Variants in POFUT3 observed in about 807,000 individuals in gnomAD.
POFUT3 encodes the protein protein O-fucosyltransferase 3, also known as GDP-fucose protein O-fucosyltransferase 3.
the POFUT3 span, among the ~76,000 whole-genome samples, chr8:33,331,611 C>T: frequency 6.6e-6 from 1 of 152,050 alleles, no homozygotes; most frequent in South Asian, 2.1e-4. Flanking sequence ...TGCTTGAGCC[C>T]AGGAATTTGA....
chr8:33,422,545 CAA>C, the POFUT3 span, among the ~76,000 whole-genome samples: 18 of 37,136 alleles, frequency 4.8e-4, no homozygotes, highest in Admixed American at 2.3e-3. Flanking sequence ...AACTCTGTCT[CAA>C]AAAAAAAAAA....
At chr8:33,401,530 A>G in the POFUT3 span, among the ~76,000 whole-genome samples, 1 of 152,212 alleles carries the variant, frequency 6.6e-6, no homozygotes. Flanking sequence ...ATAATTAAGG[A>G]AAATCTTTTC....
the POFUT3 span, among the ~76,000 whole-genome samples, chr8:33,383,374 T>G: frequency 7.2e-5 from 11 of 152,144 alleles, no homozygotes; most frequent in South Asian, 2.1e-3. Flanking sequence ...TGGTGGTAAA[T>G]CCCCATTAAA....
the POFUT3 span, among the ~76,000 whole-genome samples, chr8:33,410,626 CGTGT>C: frequency 6.6e-6 from 1 of 152,096 alleles, no homozygotes; most frequent in Non-Finnish European, 1.5e-5. Context: ...TGGGTGTGTG[CGTGT>C]GTGTATGTCA....
the POFUT3 span, among the ~76,000 whole-genome samples, chr8:33,434,800 G>C: frequency 1.3e-5 from 2 of 152,164 alleles, no homozygotes; most frequent in African/African-American, 4.8e-5. Context: ...CTGCAGGGCA[G>C]CTCCTCGCTC....
At chr8:33,448,850 C>T in the POFUT3 span, among the ~76,000 whole-genome samples, 7 of 151,886 alleles carry the variant, frequency 4.6e-5, no homozygotes, top group African/African-American at 1.5e-4. Context: ...AGGAGAATCG[C>T]CTGAATCTGG....
At chr8:33,410,980 C>A in the POFUT3 span, among the ~76,000 whole-genome samples, 1 of 152,096 alleles carries the variant, frequency 6.6e-6, no homozygotes, top group African/African-American at 2.4e-5. Flanking sequence ...CCTATCATAC[C>A]ATCAAGTCCC....
chr8:33,356,337 T>C, the POFUT3 span, among the ~76,000 whole-genome samples: 1 of 152,194 alleles, frequency 6.6e-6, no homozygotes, highest in East Asian at 1.9e-4. Flanking sequence ...GCACCTGTTG[T>C]TTCCTAACTT....
At chr8:33,376,877 T>C in the POFUT3 span, among the ~76,000 whole-genome samples, 79 of 152,298 alleles carry the variant, frequency 5.2e-4, 1 homozygote, top group African/African-American at 1.8e-3. Context: ...TCACCTCTAT[T>C]GGCTGGTAGG....
At chr8:33,341,161 C>G in the POFUT3 span, among the ~76,000 whole-genome samples, 7 of 151,952 alleles carry the variant, frequency 4.6e-5, no homozygotes, top group African/African-American at 1.5e-4. Flanking sequence ...TTTGGCGAGG[C>G]GCGGTGGCTC....
chr8:33,425,858 G>A, the POFUT3 span, among the ~76,000 whole-genome samples: 3 of 148,498 alleles, frequency 2.0e-5, no homozygotes, highest in East Asian at 4.0e-4. Flanking sequence ...TGCAGGAGGC[G>A]TTCAAAGGTT....
At chr8:33,380,063 C>CACTATATATATACACTATATAT in the POFUT3 span, among the ~76,000 whole-genome samples, 1 of 47,832 alleles carries the variant, frequency 2.1e-5, no homozygotes, top group Non-Finnish European at 3.2e-5. Flanking sequence ...TATATATATA[C>CACTATATATATACACTATATAT]ACTATATATA....
chr8:33,312,873 G>A, the POFUT3 span, among the ~76,000 whole-genome samples: 10 of 152,040 alleles, frequency 6.6e-5, no homozygotes, highest in Non-Finnish European at 1.5e-4. Context: ...CCAAATGATC[G>A]GAGTCACATG....
At chr8:33,448,229 C>CAG in the POFUT3 span, among the ~76,000 whole-genome samples, 1 of 151,358 alleles carries the variant, frequency 6.6e-6, no homozygotes. Flanking sequence ...ACCTGTAGTC[C>CAG]CAGCTACTCA....
At chr8:33,442,520 G>A in the POFUT3 span, among the ~76,000 whole-genome samples, 2 of 151,844 alleles carry the variant, frequency 1.3e-5, no homozygotes, top group South Asian at 4.2e-4. Context: ...TCCTGACCTT[G>A]TGATCCGCCC....
the POFUT3 span, among the ~76,000 whole-genome samples, chr8:33,470,659 A>T: frequency 6.6e-6 from 1 of 152,212 alleles, no homozygotes; most frequent in African/African-American, 2.4e-5. Context: ...TCTCTAGAAA[A>T]AATATAAATT....
At chr8:33,412,331 A>G in the POFUT3 span, among the ~76,000 whole-genome samples, 1 of 152,202 alleles carries the variant, frequency 6.6e-6, no homozygotes, top group Non-Finnish European at 1.5e-5. Flanking sequence ...GGCCTCCAAG[A>G]CAAGACTCAG....
chr8:33,368,390 G>T, the POFUT3 span, among the ~76,000 whole-genome samples: 1 of 152,134 alleles, frequency 6.6e-6, no homozygotes, highest in African/African-American at 2.4e-5. Context: ...AAATTAATTG[G>T]TTTAATCCCA....
chr8:33,441,750 G>C, the POFUT3 span, among the ~76,000 whole-genome samples: 6 of 152,152 alleles, frequency 3.9e-5, no homozygotes, highest in Non-Finnish European at 8.8e-5. Flanking sequence ...ATGCCTATGA[G>C]AGATATAGTT....
Sources: gnomAD v4.1 joint callset for allele counts (sites outside exome capture counted in the v4.1 genomes callset) on GRCh38, gnomAD v4.1.1 for gene constraint, MANE v1.5 for transcripts, NCBI Gene and HGNC (gene_info 2026-07-23, HGNC 2026-07-21) for gene names.